The following KMT2B variants were observed in gnomAD, a reference collection of about 807,000 sequenced individuals.
KMT2B encodes histone-lysine N-methyltransferase 2B.
A neutral mutation model predicts 255.3 loss-of-function variants in KMT2B; 22 were observed. The observed-to-expected ratio is 0.09, with a 90% CI of 0.06 to 0.12. The LOEUF (loss-of-function observed/expected upper bound fraction) is 0.12, where lower values mean the gene tolerates loss of function less well. Ranked by LOEUF, KMT2B falls within the 10% of genes least tolerant of loss-of-function variation. The pLI, the probability that KMT2B is intolerant of heterozygous loss-of-function variation, is 1.00. For synonymous variants in KMT2B, 1,730 were observed against 1,498.1 expected (o/e 1.15, Z -3.57); for missense variants, 3,149 against 3,737.0 (o/e 0.84, Z 4.10).
Position 35,721,656 on chromosome 19 carries a change from C to T in KMT2B, c.2309C>T (p.Pro770Leu). ...CCACCGCCGTCACCACAGCAGATGCCTCCCCTGGAAAAAGCCCGGATTGCG... is the reference window on the plus strand; with the variant it reads ...CCACCGCCGTCACCACAGCAGATGCTTCCCCTGGAAAAAGCCCGGATTGCG... ...LQPPPSPQQM[P>L]PLEKARIAGV... Residue 770 changes from proline (P) to leucine (L), a missense_variant, in exon 3 of 37, where the codon CCT becomes CTT. Coordinates refer to ENST00000420124, the MANE Select transcript of KMT2B (RefSeq NM_014727.3). 6.2e-7 allele frequency: 1 copy of T among 1,613,402 alleles called. No individual in the cohort carries two copies. The highest frequency in any genetic ancestry group is 2.2e-5 in the East Asian group (1 of 44,848).
At position 35,733,531 on chromosome 19, in the gene KMT2B, G is replaced by T; in HGVS notation, c.6959+23G>T. ...CGGGTGAGTGCGGGTGCTGAGGCTG[G>T]CAGAGCAGGCAAGGGGGCAGATGGG... On this transcript the variant is annotated intron_variant, in intron 28 of 36. Coordinates refer to ENST00000420124, the MANE Select transcript of KMT2B (RefSeq NM_014727.3). This position sits in a 1 kb window ranked among gnomAD's most constrained non-coding sequence, Gnocchi z 4.3. 6.4e-7 allele frequency: 1 copy of T among 1,553,734 alleles called. No individual in the cohort carries two copies. The highest frequency in any genetic ancestry group is 8.7e-7 in the Non-Finnish European group (1 of 1,148,598).
chr19:35,723,348 C>G lies in KMT2B; in HGVS notation c.3002+74C>G, dbSNP rs1385205944. 2 of 1,560,916 alleles carry G rather than the reference C, an allele frequency of 1.3e-6. No homozygotes were observed. Among genetic ancestry groups the G allele is most frequent in the Non-Finnish European group, 1.7e-6 (2 of 1,148,374 alleles). On this transcript the variant is annotated intron_variant, in intron 6 of 36. Transcript: ENST00000420124. The surrounding 1 kb of genome is among the most constrained non-coding windows in gnomAD (Gnocchi z 7.5). The stretch of plus-strand genomic sequence containing the variant: ...GCTTCCTACCTCACTCCTCTTCTGC[C>G]TGGCCAGAGCAGTGGGGTTGGCATT...
rs1445801369 is a variant in KMT2B at position 35,733,248 on chromosome 19, T to C, written c.6699T>C (p.Thr2233=). The C allele has an allele frequency of 2.1e-6, 3 of 1,435,292 alleles. No homozygotes were observed. Among genetic ancestry groups the C allele is most frequent in the Non-Finnish European group, 2.8e-6 (3 of 1,062,570 alleles). 88.9% of individuals were successfully genotyped at this position (1,435,292 alleles called of 1,614,324 possible). ...TISPTAPTSW[T]LPPGPLLGVL... The stretch of plus-strand genomic sequence containing the variant: ...CCCCCACGGCTCCCACCTCCTGGAC[T>C]CTGCCCCCAGGCCCCCTCCTCGGCG... Residue 2233 remains threonine (T), a synonymous_variant, in exon 28 of 37, where the codon ACT becomes ACC. Transcript: ENST00000420124. This position sits in a 1 kb window ranked among gnomAD's most constrained non-coding sequence, Gnocchi z 4.3.
At chr19:35,724,809 T>A in intron 9 of KMT2B, 78 bp downstream of exon 9, 1 of 1,311,682 alleles carries the variant, frequency 7.6e-7, no homozygotes, top group Non-Finnish European at 1.1e-6. Flanking sequence ...CACCTGAGTG[T>A]CGTGGTGTGT....
In KMT2B at chr19:35,733,682, C is replaced by A. The variant is rs1462118687; in HGVS notation, c.7045C>A (p.Pro2349Thr). 4 of 1,603,206 alleles carry A rather than the reference C, an allele frequency of 2.5e-6. No individual in the cohort carries two copies. Among genetic ancestry groups the A allele is most frequent in the Non-Finnish European group, 3.4e-6 (4 of 1,175,242 alleles). The change falls in exon 29 of 37, where the codon CCT becomes ACT. Residue 2349 changes from proline to threonine, a missense_variant. Transcript: ENST00000420124. The surrounding 1 kb of genome is among the most constrained non-coding windows in gnomAD (Gnocchi z 4.3). ...TGGGGAGCCCGCTGGGGAAGAAAGTCCTGGGTGAGTGGCCAGGCCCCTCTC... is the reference window on the plus strand; with the variant it reads ...TGGGGAGCCCGCTGGGGAAGAAAGTACTGGGTGAGTGGCCAGGCCCCTCTC... ...RPGEPAGEES[P>T]GPLQERSPLL...
Position 35,737,956 on chromosome 19 carries a change from G to C in KMT2B, c.7742+14G>C, listed in dbSNP as rs201537300. The C allele has an allele frequency of 1.6e-5, 26 of 1,603,994 alleles. No homozygotes were observed. The highest frequency in any genetic ancestry group is 1.1e-4 in the African/African-American group (8 of 74,748). On this transcript the variant is annotated intron_variant, in intron 35 of 36. Coordinates refer to ENST00000420124, the MANE Select transcript of KMT2B (RefSeq NM_014727.3). This position sits in a 1 kb window ranked among gnomAD's most constrained non-coding sequence, Gnocchi z 5.3. ...GGGTGTCTACAGGTGAGTGGGGTTG[G>C]GGGGGAGGATGCCCCTTGGGTGGAC...
chr19:35,728,582 T>A (rs1969560870), intron 19 of KMT2B, among the ~76,000 whole-genome samples, 192 bp from the exon 20 acceptor site: 1 of 152,088 alleles, frequency 6.6e-6, no homozygotes, highest in African/African-American at 2.4e-5. Context: ...GGAAGAGTAT[T>A]GCAGGCATGA....
intron 8 of KMT2B, among the ~76,000 whole-genome samples, chr19:35,724,228 A>G (rs1455956152): frequency 1.3e-5 from 2 of 152,176 alleles, no homozygotes; most frequent in African/African-American, 4.8e-5. Flanking sequence ...GGCCTGGTGC[A>G]GTGGCTCACA....
chr19:35,730,267 C>CT, intron 23 of KMT2B, 75 bp from the exon 24 acceptor site: 5 of 1,602,734 alleles, frequency 3.1e-6, no homozygotes, highest in Non-Finnish European at 4.3e-6. Context: ...GGCCAAGCCC[C>CT]TGACTGTTCA....
In KMT2B at chr19:35,732,415, G is replaced by C; in HGVS notation, c.5866G>C (p.Gly1956Arg). The part of the protein sequence containing the change: ...SVVTALTPTS[G>R]ELAPPGPAPS... Reference sequence around the variant, plus strand: ...CGTCACAGCCCTCACACCTACCTCAGGGGAGCTGGCTCCCCCTGGCCCGGC... The same window carrying C: ...CGTCACAGCCCTCACACCTACCTCACGGGAGCTGGCTCCCCCTGGCCCGGC... The change falls in exon 28 of 37, where the codon GGG (glycine) becomes CGG (arginine). Residue 1956 changes from glycine to arginine, a missense_variant. By Grantham distance (125) the Gly-to-Arg change is moderately radical. Transcript: ENST00000420124. 6.2e-7 allele frequency: 1 copy of C among 1,613,554 alleles called. No homozygotes were observed. The highest frequency in any genetic ancestry group is 8.5e-7 in the Non-Finnish European group (1 of 1,179,664).
Position 35,728,870 on chromosome 19 carries a change from T to A in KMT2B, c.4668T>A (p.Pro1556=). 3 of 1,613,878 alleles carry A rather than the reference T, an allele frequency of 1.9e-6. No individual in the cohort carries two copies. The highest frequency in any genetic ancestry group is 1.1e-5 in the South Asian group (1 of 91,076). The change falls in exon 20 of 37, where the codon CCT becomes CCA. Residue 1556 remains proline, a synonymous_variant. Coordinates refer to ENST00000420124, the MANE Select transcript of KMT2B (RefSeq NM_014727.3). ...QEPETPESGQ[P]PGDPSAAFQG... ...CAGAGACCCCAGAATCAGGGCAGCC[T>A]CCAGGGGATCCCTCAGCAGGTACTG...
At chr19:35,719,680 CG>C in intron 2 of KMT2B, 103 bp from the exon 3 acceptor site, 2 of 1,515,964 alleles carry the variant, frequency 1.3e-6, no homozygotes, top group Non-Finnish European at 1.8e-6. Flanking sequence ...GTCTGGGCAG[CG>C]GGGGAAACAC....
At position 35,721,808 on chromosome 19, in the gene KMT2B, A is replaced by C. The variant is rs1287970548; in HGVS notation, c.2457+4A>C. The C allele has an allele frequency of 6.4e-7, 1 of 1,574,264 alleles. No homozygotes were observed. Among genetic ancestry groups the C allele is most frequent in the African/African-American group, 1.3e-5 (1 of 74,348 alleles). On this transcript the variant is annotated splice_donor_region_variant and intron_variant, in intron 3 of 36. Transcript: ENST00000420124. ...GAAGGTGGCAGCTTCCATGCCGGTG[A>C]GTGTGGTCCCTGGGCCCAGCGGCAC...
At position 35,720,534 on chromosome 19, in the gene KMT2B, A is replaced by G; in HGVS notation, c.1187A>G (p.Lys396Arg). ...GAGGAGATGATGCCAGCTGCGGAAA[A>G]GGAAGAGGCAAAGCTGCCACCACCG... is the stretch of plus-strand genomic sequence containing the variant. ...VAEEMMPAAE[K>R]EEAKLPPPPL... The change falls in exon 3 of 37, where the codon AAG (lysine) becomes AGG (arginine). Residue 396 changes from lysine to arginine, a missense_variant. This residue lies in a region of KMT2B where 1,188 missense variants were observed against 1,106.4 expected (regional missense o/e 1.07). Coordinates refer to ENST00000420124, the MANE Select transcript of KMT2B (RefSeq NM_014727.3). 6.5e-7 allele frequency: 1 copy of G among 1,549,618 alleles called. No individual in the cohort carries two copies. The highest frequency in any genetic ancestry group is 2.4e-5 in the East Asian group (1 of 40,900).
Position 35,729,988 on chromosome 19 carries a change from C to A in KMT2B, c.4939C>A (p.Pro1647Thr), listed in dbSNP as rs749901547. The A allele has an allele frequency of 6.2e-7, 1 of 1,613,460 alleles. No homozygotes were observed. The highest frequency in any genetic ancestry group is 8.5e-7 in the Non-Finnish European group (1 of 1,179,804). Residue 1647 changes from proline (P) to threonine (T), a missense_variant, in exon 23 of 37, where the codon CCT (proline) becomes ACT (threonine). This residue lies in a region of KMT2B where 14 missense variants were observed against 69.9 expected (regional missense o/e 0.20). Coordinates refer to ENST00000420124, the MANE Select transcript of KMT2B (RefSeq NM_014727.3). ...GCAGCGCTGCGAGCTCTGCCTGAAG[C>A]CTGGCGCCACGGTGGGCTGCTGCCT... ...RQMRCELCLK[P>T]GATVGCCLSS...
At position 35,732,560 on chromosome 19, in the gene KMT2B, A is replaced by T; in HGVS notation, c.6011A>T (p.Gln2004Leu). 1.2e-6 allele frequency: 2 copies of T among 1,613,696 alleles called. No homozygotes were observed. Among genetic ancestry groups the T allele is most frequent in the Non-Finnish European group, 8.5e-7 (1 of 1,179,836 alleles). Reference sequence around the variant, plus strand: ...AGCCTGCTGGGGACTGAGCCCTTCCAGGAAGAGATTGTAGCCGCTGGGGCC... The same window carrying T: ...AGCCTGCTGGGGACTGAGCCCTTCCTGGAAGAGATTGTAGCCGCTGGGGCC... ...AASLLGTEPF[Q>L]EEIVAAGAMG... The change falls in exon 28 of 37, where the codon CAG becomes CTG. Residue 2004 changes from glutamine to leucine, a missense_variant. Gln to Leu is a moderately radical substitution (Grantham distance 113). Transcript: ENST00000420124.
Position 35,736,993 on chromosome 19 carries a change from A to C in KMT2B, c.7372+7A>C. 6.2e-7 allele frequency: 1 copy of C among 1,613,116 alleles called. No homozygotes were observed. On this transcript the variant is annotated splice_region_variant and intron_variant, in intron 32 of 36. Coordinates refer to ENST00000420124, the MANE Select transcript of KMT2B (RefSeq NM_014727.3). ...AGACATCTCTCCTTTAGTGGTAAGGAGTGGGCCCCACAGGGGGCAGGGAGC... is the reference window on the plus strand; with the variant it reads ...AGACATCTCTCCTTTAGTGGTAAGGCGTGGGCCCCACAGGGGGCAGGGAGC...
Position 35,726,260 on chromosome 19 carries a change from A to G in KMT2B, c.3910A>G (p.Lys1304Glu). The G allele has an allele frequency of 6.2e-7, 1 of 1,613,684 alleles. No homozygotes were observed. The highest frequency in any genetic ancestry group is 1.1e-5 in the South Asian group (1 of 91,078). Residue 1304 changes from lysine to glutamate, a missense_variant, in exon 14 of 37, where the codon AAG becomes GAG. Physicochemically the swap from Lys to Glu is moderately conservative, Grantham distance 56 (BLOSUM62 1). Around this residue, in one of 18 missense-constraint regions of KMT2B, gnomAD observed 377 missense variants for 471.0 expected, o/e 0.80. Transcript: ENST00000420124. ...GATCTGTTCAGCCTGTGTGCGCTGT[A>G]AGAGCTGTGGGGCAACTCCAGGCAA... Reference protein sequence around the residue: ...HWICSACVRCKSCGATPGKNW... With the variant: ...HWICSACVRCESCGATPGKNW...
Position 35,728,236 on chromosome 19 carries a change from C to A in KMT2B, c.4571+65C>A, listed in dbSNP as rs1969547829. 5 of 1,392,156 alleles carry A rather than the reference C, an allele frequency of 3.6e-6. No individual in the cohort carries two copies. In the Admixed American group the frequency reaches 5.9e-5, roughly 17 times the overall value. 86.2% of individuals were successfully genotyped at this position (1,392,156 alleles called of 1,614,324 possible). A position where few individuals can be genotyped will look rare whatever the true frequency, so the allele number is the denominator to read the frequency against. On this transcript the variant is annotated intron_variant, in intron 19 of 36. Transcript: ENST00000420124. ...AGGGCAAGGCCAGGGCATGCAGGGG[C>A]CACGCTGGGCTGAGAAGAGATGAGC...
Sources: allele counts gnomAD v4.1 joint callset (sites outside exome capture counted in the v4.1 genomes callset), GRCh38; gene constraint gnomAD v4.1.1; regional missense constraint gnomAD v4.1.1; non-coding constraint Gnocchi (gnomAD v3.1); transcripts MANE v1.5; gene names NCBI Gene and HGNC (gene_info 2026-07-23, HGNC 2026-07-21).